MYRIP: variants seen among roughly 807,000 people sequenced by gnomAD.
The protein encoded by MYRIP is myosin VIIA and Rab interacting protein.
Under a neutral mutation model 98.0 loss-of-function variants are expected in MYRIP, and 49 were observed. That is an observed-to-expected ratio of 0.50 (90% CI 0.40 to 0.63). MYRIP has a LOEUF of 0.63. Among genes scored for constraint, MYRIP ranks in the 30% least tolerant of loss-of-function variants. MYRIP has a pLI of 0.00. For synonymous variants in MYRIP, 404 were observed against 409.5 expected, an observed-to-expected ratio of 0.99 and a Z score of 0.16; for missense variants, 1,004 against 1,058.2, an observed-to-expected ratio of 0.95 and a Z score of 0.71.
chr3:40,038,195 G>A (rs1198299288), intron 2 of MYRIP, among the ~76,000 whole-genome samples: 1 of 152,162 alleles, frequency 6.6e-6, no homozygotes, highest in South Asian at 2.1e-4. Flanking sequence ...TATAAAATAT[G>A]TAAGAATAAA....
intron 1 of MYRIP, among the ~76,000 whole-genome samples, chr3:39,893,040 A>G (rs2125661711): frequency 6.6e-6 from 1 of 152,334 alleles, no homozygotes; most frequent in South Asian, 2.1e-4. Context: ...GATGTTATCA[A>G]ACTTGACCAA....
At chr3:39,979,650 C>CAAAAAAAAAAA (rs1400253573) in intron 2 of MYRIP, among the ~76,000 whole-genome samples, 18 of 78,930 alleles carry the variant, frequency 2.3e-4, no homozygotes, top group South Asian at 3.9e-4. Flanking sequence ...AAAACCAAAA[C>CAAAAAAAAAAA]AAAACAAAAA....
chr3:39,815,181 C>T (rs1293829447), intron 1 of MYRIP, among the ~76,000 whole-genome samples: 1 of 152,156 alleles, frequency 6.6e-6, no homozygotes, highest in Admixed American at 6.5e-5. Flanking sequence ...TCCCTCCACG[C>T]ACCCTGCCAC....
intron 3 of MYRIP, among the ~76,000 whole-genome samples, chr3:40,077,199 G>A (rs1327302976): frequency 1.1e-4 from 17 of 152,154 alleles, no homozygotes; most frequent in East Asian, 3.9e-4. Flanking sequence ...ATAAAACAGC[G>A]TGGACCCAAA....
At chr3:40,216,347 G>A (rs1575644203) in intron 11 of MYRIP, among the ~76,000 whole-genome samples, 1 of 152,282 alleles carries the variant, frequency 6.6e-6, no homozygotes, top group East Asian at 1.9e-4. Context: ...AAGAAACGCT[G>A]GGGAGAGGTA....
intron 2 of MYRIP, among the ~76,000 whole-genome samples, chr3:39,929,669 A>T (rs1369443297): frequency 1.3e-5 from 2 of 152,098 alleles, no homozygotes; most frequent in East Asian, 3.8e-4. Flanking sequence ...TAGTATATTC[A>T]CAAGGTTGTT....
rs936849077 is a variant in MYRIP, at chr3:40,217,388, C to T, written c.1905+7295C>T. Among the ~76,000 whole-genome samples, 4 of 152,060 alleles carry T rather than the reference C, an allele frequency of 2.6e-5. No individual in the cohort carries two copies. In the East Asian group the frequency reaches 7.7e-4, roughly 29 times the overall value. ...AAAGTAATAATTTATGACAGCCAGA[C>T]AGGATGTAGTCTAAGAATGTAATAA... On this transcript the variant is annotated intron_variant, in intron 11 of 16. Coordinates refer to ENST00000302541, the MANE Select transcript of MYRIP (RefSeq NM_015460.4).
At chr3:40,067,070 C>T (rs556687982) in intron 3 of MYRIP, among the ~76,000 whole-genome samples, 50 of 152,208 alleles carry the variant, frequency 3.3e-4, no homozygotes, top group African/African-American at 1.1e-3. Flanking sequence ...TATTCATAAA[C>T]CTATAATGAC....
At chr3:39,903,671 C>A (rs1943800752) in intron 2 of MYRIP, among the ~76,000 whole-genome samples, 1 of 152,136 alleles carries the variant, frequency 6.6e-6, no homozygotes, top group African/African-American at 2.4e-5. Flanking sequence ...CTGGGTACTG[C>A]ACAATTTATC....
At chr3:40,001,884 C>T (rs1003542162) in intron 2 of MYRIP, among the ~76,000 whole-genome samples, 3 of 152,166 alleles carry the variant, frequency 2.0e-5, no homozygotes, top group Non-Finnish European at 2.9e-5. Context: ...ATTCAATAGA[C>T]TCTGGTGACT....
rs201565302 is a variant in MYRIP, at chr3:40,084,383, A to C, written c.332+40112A>C. Among the ~76,000 whole-genome samples, 432 of 135,330 alleles carry C rather than the reference A, an allele frequency of 3.2e-3. 5 individuals carry two copies. Among genetic ancestry groups the C allele is most frequent in the African/African-American group, 4.7e-3 (163 of 34,910 alleles). The allele number at this position is 135,330 out of a possible 152,430, so 88.8% of individuals were successfully genotyped here. A position where few individuals can be genotyped will look rare whatever the true frequency, so the allele number is the denominator to read the frequency against. Reference sequence around the variant, plus strand: ...TAGATAATACACATCTATGTATTATATATCGATAGATAATACACATCTATG... The same window carrying C: ...TAGATAATACACATCTATGTATTATCTATCGATAGATAATACACATCTATG... On this transcript the variant is annotated intron_variant, in intron 3 of 16. Transcript: ENST00000302541.
intron 2 of MYRIP, among the ~76,000 whole-genome samples, chr3:39,924,563 C>G (rs1356767649): frequency 6.6e-6 from 1 of 152,014 alleles, no homozygotes; most frequent in Non-Finnish European, 1.5e-5. Flanking sequence ...CTCCCAACAA[C>G]CGATAGAACA....
At chr3:39,893,160 T>C (rs1317668226) in intron 1 of MYRIP, among the ~76,000 whole-genome samples, 1 of 152,226 alleles carries the variant, frequency 6.6e-6, no homozygotes, top group Non-Finnish European at 1.5e-5. Flanking sequence ...GGCTGAACTA[T>C]ATGTTTTTAT....
intron 1 of MYRIP, among the ~76,000 whole-genome samples, 190 bp downstream of exon 1, chr3:39,810,106 C>G (rs541528587): frequency 6.6e-6 from 1 of 152,344 alleles, no homozygotes; most frequent in African/African-American, 2.4e-5. Flanking sequence ...GGGCGAGGGG[C>G]GCGGGTACTT....
At chr3:40,192,785 G>A (rs555123437) in intron 10 of MYRIP, among the ~76,000 whole-genome samples, 1 of 152,262 alleles carries the variant, frequency 6.6e-6, no homozygotes, top group South Asian at 2.1e-4. Flanking sequence ...TCAAAGCAGC[G>A]CCTCCCCAAA....
At chr3:39,909,284 C>T (rs985022171) in intron 2 of MYRIP, among the ~76,000 whole-genome samples, 10 of 152,162 alleles carry the variant, frequency 6.6e-5, no homozygotes, top group Admixed American at 1.3e-4. Context: ...ATTTTTAAAA[C>T]TCTGTCTTAG....
At chr3:39,918,952 C>T (rs578175600) in intron 2 of MYRIP, among the ~76,000 whole-genome samples, 1 of 152,272 alleles carries the variant, frequency 6.6e-6, no homozygotes, top group South Asian at 2.1e-4. Flanking sequence ...CTTTCTTAGA[C>T]TTGGACAAGG....
chr3:39,976,507 A>G (rs2125752828), intron 2 of MYRIP, among the ~76,000 whole-genome samples: 1 of 152,340 alleles, frequency 6.6e-6, no homozygotes, highest in South Asian at 2.1e-4. Flanking sequence ...GGGATCTAGA[A>G]CTAGAAATAC....
At chr3:40,033,548 C>A (rs988038770) in intron 2 of MYRIP, among the ~76,000 whole-genome samples, 10 of 152,150 alleles carry the variant, frequency 6.6e-5, no homozygotes, top group Admixed American at 6.5e-4. Flanking sequence ...GAACTACAAA[C>A]CACTGCTCAA....
Sources: gnomAD v4.1 joint callset for allele counts (sites outside exome capture counted in the v4.1 genomes callset) on GRCh38, gnomAD v4.1.1 for gene constraint, MANE v1.5 for transcripts, NCBI Gene and HGNC (gene_info 2026-07-23, HGNC 2026-07-21) for gene names.